TLE1: variants seen among roughly 807,000 people sequenced by gnomAD.
TLE1 encodes the protein TLE family member 1, transcriptional corepressor.
Under a neutral mutation model 89.8 loss-of-function variants are expected in TLE1, and 21 were observed. That is an observed-to-expected ratio of 0.23 (90% confidence interval 0.17 to 0.34). The LOEUF (loss-of-function observed/expected upper bound fraction) is 0.34. Among genes scored for constraint, TLE1 ranks in the 10% least tolerant of loss-of-function variants. TLE1 has a pLI of 1.00. For synonymous variants in TLE1, 447 were observed against 407.6 expected (o/e 1.10, Z -1.16); for missense variants, 795 against 1,031.2 (o/e 0.77, Z 3.14).
intron 6 of TLE1, among the ~76,000 whole-genome samples, chr9:81,645,931 G>C (rs953664981): frequency 6.6e-6 from 1 of 151,890 alleles, no homozygotes; most frequent in Non-Finnish European, 1.5e-5. Flanking sequence ...CCTATAATGG[G>C]GTACTCTATT....
intron 4 of TLE1, among the ~76,000 whole-genome samples, chr9:81,681,467 T>C (rs956848584): frequency 2.0e-5 from 3 of 151,978 alleles, no homozygotes; most frequent in Admixed American, 6.6e-5. Flanking sequence ...GGAGAATCGC[T>C]TGAACCTGGG....
At chr9:81,655,807 C>T (rs989272593) in intron 4 of TLE1, among the ~76,000 whole-genome samples, 2 of 149,164 alleles carry the variant, frequency 1.3e-5, no homozygotes, top group Non-Finnish European at 3.0e-5. Flanking sequence ...GAGCTGAGAT[C>T]GCGCCACTAT....
chr9:81,629,289 A>G (rs1000280930), intron 8 of TLE1, among the ~76,000 whole-genome samples: 1 of 146,770 alleles, frequency 6.8e-6, no homozygotes, highest in African/African-American at 2.5e-5. Context: ...AATTTAATGC[A>G]ATTTATCCTT....
At chr9:81,642,190 G>A (rs1231453038) in intron 6 of TLE1, among the ~76,000 whole-genome samples, 1 of 152,074 alleles carries the variant, frequency 6.6e-6, no homozygotes, top group Admixed American at 6.6e-5. Context: ...CAGTATAGAG[G>A]TTTCTCAAAA....
intron 7 of TLE1, 80 bp from the exon 8 acceptor site, chr9:81,633,444 G>C: frequency 6.2e-7 from 1 of 1,604,430 alleles, no homozygotes; most frequent in Non-Finnish European, 8.5e-7. Flanking sequence ...AAAAAGGGGG[G>C]AATAATTAGA....
intron 4 of TLE1, among the ~76,000 whole-genome samples, chr9:81,660,934 AACACACACACACACACAC>A (rs548190067): frequency 7.9e-5 from 7 of 88,818 alleles, no homozygotes; most frequent in East Asian, 3.5e-4. Flanking sequence ...ATCCCTACTA[AACACACACACACACACAC>A]ACACACACAC....
At chr9:81,672,754 T>C (rs1265966814) in intron 4 of TLE1, among the ~76,000 whole-genome samples, 3 of 152,180 alleles carry the variant, frequency 2.0e-5, no homozygotes, top group South Asian at 2.1e-4. Flanking sequence ...AAATTTTCCA[T>C]GTTACATTCG....
At chr9:81,658,793 A>C (rs1221756874) in intron 4 of TLE1, among the ~76,000 whole-genome samples, 2 of 152,214 alleles carry the variant, frequency 1.3e-5, no homozygotes, top group Non-Finnish European at 2.9e-5. Context: ...ACAAACTGGC[A>C]ATAATTCTTA....
At chr9:81,612,928 G>C (rs1438352179) in intron 12 of TLE1, among the ~76,000 whole-genome samples, 2 of 152,138 alleles carry the variant, frequency 1.3e-5, no homozygotes, top group African/African-American at 4.8e-5. Flanking sequence ...CGTGGTGGCA[G>C]GCGCCTGTAA....
intron 4 of TLE1, among the ~76,000 whole-genome samples, chr9:81,661,548 T>C (rs1354328059): frequency 6.6e-6 from 1 of 152,092 alleles, no homozygotes; most frequent in African/African-American, 2.4e-5. Context: ...AAATGGTGCT[T>C]ATGCTGAGGG....
intron 7 of TLE1, 28 bp from the exon 8 acceptor site, chr9:81,633,392 C>G: frequency 6.2e-7 from 1 of 1,613,406 alleles, no homozygotes. Flanking sequence ...AAGAAACGCA[C>G]AGACATGCCC....
At chr9:81,654,107 C>T (rs1317495218) in intron 4 of TLE1, 71 bp from the exon 5 acceptor site, 1 of 1,413,676 alleles carries the variant, frequency 7.1e-7, no homozygotes, top group African/African-American at 1.4e-5. Context: ...ACTTCATACC[C>T]CTAACACTTC....
chr9:81,633,444 G>T, intron 7 of TLE1, 80 bp from the exon 8 acceptor site: 1 of 1,604,428 alleles, frequency 6.2e-7, no homozygotes, highest in Non-Finnish European at 8.5e-7. Flanking sequence ...AAAAAGGGGG[G>T]AATAATTAGA....
At chr9:81,687,547 T>G in intron 1 of TLE1, 113 bp from the exon 2 acceptor site, 1 of 753,136 alleles carries the variant, frequency 1.3e-6, no homozygotes, top group Non-Finnish European at 2.2e-6. Context: ...TAGAAGTGGC[T>G]GAAAACGAGG....
intron 14 of TLE1, among the ~76,000 whole-genome samples, chr9:81,602,630 T>C (rs981302146): frequency 3.3e-5 from 5 of 151,972 alleles, no homozygotes; most frequent in Admixed American, 1.3e-4. Context: ...TTGAAGCATT[T>C]TGGATTTTGA....
intron 14 of TLE1, among the ~76,000 whole-genome samples, chr9:81,604,785 C>T (rs994780412): frequency 2.6e-5 from 4 of 152,154 alleles, no homozygotes; most frequent in African/African-American, 7.2e-5. Flanking sequence ...ATGGATCCCT[C>T]AAGCTCTCTC....
chr9:81,584,575 A>G (rs1276524082), intron 18 of TLE1, 51 bp from the exon 19 acceptor site: 2 of 1,560,304 alleles, frequency 1.3e-6, no homozygotes, highest in Admixed American at 1.7e-5. Context: ...AATTCCTACT[A>G]TACAATTAGC....
intron 6 of TLE1, among the ~76,000 whole-genome samples, chr9:81,647,980 G>C (rs4877221): frequency 0.91 from 138,213 of 152,210 alleles, 62,756 homozygotes; most frequent in South Asian, 0.93. Context: ...AAAAAAACAA[G>C]CATCTTTATG....
At chr9:81,646,609 C>T (rs1828894439) in intron 6 of TLE1, among the ~76,000 whole-genome samples, 1 of 152,030 alleles carries the variant, frequency 6.6e-6, no homozygotes, top group South Asian at 2.1e-4. Context: ...CACTACAATC[C>T]CATAGATAGC....
Sources: allele counts gnomAD v4.1 joint callset (sites outside exome capture counted in the v4.1 genomes callset), GRCh38; gene constraint gnomAD v4.1.1; transcripts MANE v1.5; gene names NCBI Gene and HGNC (gene_info 2026-07-23, HGNC 2026-07-21).